Variants in CWF19L2 observed in about 807,000 individuals in gnomAD.
CWF19L2 encodes CWF19 like cell cycle control factor 2.
CWF19L2 carries 98 observed loss-of-function variants against 111.7 expected under a neutral mutation model. The ratio of observed to expected loss-of-function variants is 0.88; its 90% confidence interval spans 0.75 to 1.04. The LOEUF (loss-of-function observed/expected upper bound fraction) is 1.04. CWF19L2 is among the 50% of genes least tolerant of loss of function. CWF19L2 has a pLI of 0.00. For synonymous variants in CWF19L2, 351 were observed against 342.9 expected, an observed-to-expected ratio of 1.02 and a Z score of -0.26; for missense variants, 1,101 against 1,051.4, an observed-to-expected ratio of 1.05 and a Z score of -0.65.
intron 16 of CWF19L2, among the ~76,000 whole-genome samples, chr11:107,330,908 C>T (rs1006212793): frequency 3.3e-5 from 5 of 152,008 alleles, no homozygotes; most frequent in Admixed American, 2.0e-4. Flanking sequence ...CTTAACCATA[C>T]AAATTGTGTA....
chr11:107,442,794 G>T, intron 4 of CWF19L2, 145 bp downstream of exon 4: 1 of 147,072 alleles, frequency 6.8e-6, no homozygotes, highest in Non-Finnish European at 1.2e-5. Context: ...AAGGAAGGAA[G>T]GGAGGGAGGG....
At chr11:107,390,042 A>G (rs765676027) in intron 12 of CWF19L2, 32 bp downstream of exon 12, 1 of 1,598,116 alleles carries the variant, frequency 6.3e-7, no homozygotes, top group South Asian at 1.1e-5. Context: ...CAGCTTCTCA[A>G]AATTCAGAGG....
At chr11:107,393,036 ACT>A (rs1860871778) in intron 10 of CWF19L2, 141 bp from the exon 11 acceptor site, 2 of 517,922 alleles carry the variant, frequency 3.9e-6, no homozygotes, top group Admixed American at 8.1e-5. Context: ...GATTTTCATT[ACT>A]CTCTATACTA....
intron 16 of CWF19L2, among the ~76,000 whole-genome samples, chr11:107,330,305 T>C (rs1379314469): frequency 6.6e-6 from 1 of 152,118 alleles, no homozygotes; most frequent in Non-Finnish European, 1.5e-5. Context: ...AATTATACTT[T>C]TAAAAATACA....
chr11:107,378,510 T>C (rs1860630298), intron 12 of CWF19L2, among the ~76,000 whole-genome samples: 1 of 152,106 alleles, frequency 6.6e-6, no homozygotes, highest in East Asian at 1.9e-4. Flanking sequence ...AGTAAACTAT[T>C]GCAAGAACAA....
At chr11:107,393,626 G>T (rs976567624) in intron 10 of CWF19L2, among the ~76,000 whole-genome samples, 5 of 152,150 alleles carry the variant, frequency 3.3e-5, no homozygotes, top group African/African-American at 1.2e-4. Flanking sequence ...CCAAGTCATG[G>T]AATCAACTGA....
chr11:107,354,230 G>C (rs994295058), intron 12 of CWF19L2, among the ~76,000 whole-genome samples: 25 of 151,678 alleles, frequency 1.6e-4, no homozygotes, highest in Admixed American at 1.4e-3. Context: ...TACCTCCTTA[G>C]GTAGTTATGA....
intron 17 of CWF19L2, among the ~76,000 whole-genome samples, chr11:107,328,245 G>A (rs776025342): frequency 7.9e-5 from 12 of 152,046 alleles, no homozygotes; most frequent in Non-Finnish European, 1.6e-4. Context: ...GGTCAACAGA[G>A]ATAGTAGAAA....
Position 107,390,338 on chromosome 11 carries a change from G to C in CWF19L2, c.1735-127C>G. The C allele has an allele frequency of 7.8e-6, 6 of 770,078 alleles. No homozygotes were observed. In the South Asian group the frequency reaches 1.0e-4, roughly 13 times the overall value. 47.7% of individuals were successfully genotyped at this position (770,078 alleles called of 1,614,324 possible). A position where few individuals can be genotyped will look rare whatever the true frequency, so the allele number is the denominator to read the frequency against. On this transcript the variant is annotated intron_variant, in intron 11 of 17. Transcript: ENST00000282251. ...TATGTAATCACAACCTTTCCTTCCAGTTTATCCCTAGTCTGCCAGTTTCCA... is the reference window on the plus strand; with the variant it reads ...TATGTAATCACAACCTTTCCTTCCACTTTATCCCTAGTCTGCCAGTTTCCA...
At chr11:107,437,603 A>T (rs1861560946) in intron 6 of CWF19L2, among the ~76,000 whole-genome samples, 1 of 152,178 alleles carries the variant, frequency 6.6e-6, no homozygotes, top group Admixed American at 6.5e-5. Flanking sequence ...TAAACATAAG[A>T]TGGAAAAGAA....
intron 12 of CWF19L2, among the ~76,000 whole-genome samples, chr11:107,383,494 G>A (rs1860722536): frequency 6.6e-6 from 1 of 152,062 alleles, no homozygotes; most frequent in Admixed American, 6.5e-5. Context: ...AGGGTATTTT[G>A]TATTCCCCTC....
At chr11:107,395,420 CTT>C (rs1186685365) in intron 10 of CWF19L2, among the ~76,000 whole-genome samples, 1 of 152,192 alleles carries the variant, frequency 6.6e-6, no homozygotes, top group African/African-American at 2.4e-5. Flanking sequence ...ACAAGAATCA[CTT>C]TATGTTGGTT....
chr11:107,362,062 C>A (rs112823742), intron 12 of CWF19L2, among the ~76,000 whole-genome samples: 1 of 152,040 alleles, frequency 6.6e-6, no homozygotes, highest in South Asian at 2.1e-4. Context: ...AAAGGGGTGA[C>A]GGACGCACCT....
At chr11:107,353,086 C>A (rs553673318) in intron 13 of CWF19L2, among the ~76,000 whole-genome samples, 4 of 152,162 alleles carry the variant, frequency 2.6e-5, no homozygotes, top group African/African-American at 9.6e-5. Context: ...AAAAAAATAC[C>A]CCCATCACTT....
chr11:107,442,175 A>T (rs530311609), intron 4 of CWF19L2, among the ~76,000 whole-genome samples: 3 of 152,334 alleles, frequency 2.0e-5, no homozygotes, highest in Non-Finnish European at 4.4e-5. Context: ...AATCAAAAGC[A>T]TGAAAGCCTC....
intron 15 of CWF19L2, among the ~76,000 whole-genome samples, chr11:107,335,653 G>C (rs991801674): frequency 1.3e-5 from 2 of 152,044 alleles, no homozygotes; most frequent in African/African-American, 4.8e-5. Flanking sequence ...CATAGAAATG[G>C]AGTAAGACTT....
At chr11:107,327,405 C>G (rs984195700) in intron 17 of CWF19L2, among the ~76,000 whole-genome samples, 5 of 152,100 alleles carry the variant, frequency 3.3e-5, no homozygotes, top group African/African-American at 1.2e-4. Context: ...AAATGTTAAT[C>G]AACTTCTAGC....
At chr11:107,333,047 G>A (rs1321710854) in intron 16 of CWF19L2, among the ~76,000 whole-genome samples, 1 of 151,586 alleles carries the variant, frequency 6.6e-6, no homozygotes, top group Non-Finnish European at 1.5e-5. Flanking sequence ...GAACCTGGGA[G>A]GTGGAGTGAT....
intron 13 of CWF19L2, among the ~76,000 whole-genome samples, chr11:107,349,830 A>T (rs1860132655): frequency 6.6e-6 from 1 of 152,148 alleles, no homozygotes. Flanking sequence ...TCTACCTAAA[A>T]TTACAGTAAA....
Sources: gnomAD v4.1 joint callset for allele counts (sites outside exome capture counted in the v4.1 genomes callset) on GRCh38, gnomAD v4.1.1 for gene constraint, MANE v1.5 for transcripts, NCBI Gene and HGNC (gene_info 2026-07-23, HGNC 2026-07-21) for gene names.